PPP1CB: variants seen among roughly 807,000 people sequenced by gnomAD.
The protein encoded by PPP1CB is serine/threonine-protein phosphatase PP1-beta catalytic subunit.
In PPP1CB, 2 loss-of-function variants were observed where a neutral mutation model predicts 43.7. That is an observed-to-expected ratio of 0.05 (90% CI 0.02 to 0.14). PPP1CB has a LOEUF of 0.14. PPP1CB is among the 10% of genes least tolerant of loss of function. The pLI is 1.00. For synonymous variants in PPP1CB, 136 were observed against 135.6 expected (o/e 1.00, Z -0.02); for missense variants, 84 against 398.0 (o/e 0.21, Z 6.71).
At chr2:28,758,494 A>G (rs898485826) in intron 1 of PPP1CB, among the ~76,000 whole-genome samples, 4 of 152,206 alleles carry the variant, frequency 2.6e-5, no homozygotes, top group Non-Finnish European at 5.9e-5. Context: ...GGAGTCTTCT[A>G]GGATTTGTGA....
rs575742915 is a variant in PPP1CB, at chr2:28,795,688, T to G, written c.879+1691T>G. 6.8e-4 allele frequency among the ~76,000 whole-genome samples: 104 copies of G among 152,236 alleles called. 1 individual carries two copies. The highest frequency in any genetic ancestry group is 1.2e-3 in the Non-Finnish European group (82 of 68,046). Reference sequence around the variant, plus strand: ...GTTGAATTAAATGCCTTATAGAGTCTGGATATTAGACCTTTGTTGGATGCA... The same window carrying G: ...GTTGAATTAAATGCCTTATAGAGTCGGGATATTAGACCTTTGTTGGATGCA... On this transcript the variant is annotated intron_variant, in intron 7 of 7. Transcript: ENST00000395366.
Position 28,788,878 on chromosome 2 carries a change from G to T in PPP1CB, c.744+69G>T, listed in dbSNP as rs1352194347. ...TTTTTTGGGGGCAGACGGAGGGGCA[G>T]ACAGATTCTTGTTCTGTCACCCAGG... On this transcript the variant is annotated intron_variant, in intron 6 of 7. Coordinates refer to ENST00000395366, the MANE Select transcript of PPP1CB (RefSeq NM_002709.3). The T allele has an allele frequency of 7.8e-6, 11 of 1,417,676 alleles. No homozygotes were observed. In the East Asian group the frequency reaches 2.6e-4, roughly 34 times the overall value. The allele number at this position is 1,417,676 out of a possible 1,614,324, so 87.8% of individuals were successfully genotyped here. A position where few individuals can be genotyped will look rare whatever the true frequency, so the allele number is the denominator to read the frequency against.
chr2:28,751,988 C>T lies in PPP1CB; in HGVS notation c.-137C>T. ...GCGGGGAGGGGGTGGGGGGAGGGCC[C>T]GGGAAAAGGGGGAGTTGGAGCCGGG... On this transcript the variant is annotated 5_prime_UTR_variant, in exon 1 of 8. Coordinates refer to ENST00000395366, the MANE Select transcript of PPP1CB (RefSeq NM_002709.3). The T allele has an allele frequency of 5.1e-6, 4 of 785,310 alleles. No homozygotes were observed. The highest frequency in any genetic ancestry group is 4.2e-6 in the Non-Finnish European group (2 of 474,390). 48.6% of individuals were successfully genotyped at this position (785,310 alleles called of 1,614,324 possible).
At position 28,776,989 on chromosome 2, in the gene PPP1CB, A is replaced by G; in HGVS notation, c.184+7A>G. On this transcript the variant is annotated splice_region_variant and intron_variant, in intron 2 of 7. Coordinates refer to ENST00000395366, the MANE Select transcript of PPP1CB (RefSeq NM_002709.3). ...GCACCGCTGAAAATTTGTGGTATGT[A>G]AATGGGTAAAGTTGGAAACAACTCT... is the stretch of plus-strand genomic sequence containing the variant. 2 of 1,612,368 alleles carry G rather than the reference A, an allele frequency of 1.2e-6. No individual in the cohort carries two copies. The highest frequency in any genetic ancestry group is 1.7e-6 in the Non-Finnish European group (2 of 1,178,710).
rs1435113456 is a variant in PPP1CB, at chr2:28,801,937, A to T, written c.*2634A>T. On this transcript the variant is annotated 3_prime_UTR_variant, in exon 8 of 8. Transcript: ENST00000395366. ...GGGACAAATTTTAATAATCAGCAAG[A>T]CTGGTTTGTGCAAAGCGTTGAGTCA... The T allele has an allele frequency of 6.6e-6, 1 of 152,208 alleles. No individual in the cohort carries two copies. The highest frequency in any genetic ancestry group is 1.5e-5 in the Non-Finnish European group (1 of 68,034). 9.4% of individuals were successfully genotyped at this position (152,208 alleles called of 1,614,324 possible).
chr2:28,795,474 C>G (rs2148061583), intron 7 of PPP1CB, among the ~76,000 whole-genome samples: 1 of 152,284 alleles, frequency 6.6e-6, no homozygotes, highest in South Asian at 2.1e-4. Context: ...CACAACCTTG[C>G]TGACATCTAT....
At chr2:28,758,873 G>A (rs1666551689) in intron 1 of PPP1CB, among the ~76,000 whole-genome samples, 1 of 152,188 alleles carries the variant, frequency 6.6e-6, no homozygotes, top group Non-Finnish European at 1.5e-5. Flanking sequence ...GCTTTTTGAT[G>A]CATGCCCACC....
At position 28,802,528 on chromosome 2, in the gene PPP1CB, T is replaced by G. The variant is rs1300397329; in HGVS notation, c.*3225T>G. On this transcript the variant is annotated 3_prime_UTR_variant, in exon 8 of 8. Transcript: ENST00000395366. ...CCTCTTCCTAGTAGATCTCAATGTT[T>G]TATAATTCCTTAAAACAGCTGAAAA... The G allele has an allele frequency of 6.6e-6, 1 of 152,200 alleles. No homozygotes were observed. The highest frequency in any genetic ancestry group is 1.5e-5 in the Non-Finnish European group (1 of 68,034). The allele number at this position is 152,200 out of a possible 1,614,324, so 9.4% of individuals were successfully genotyped here.
In PPP1CB at chr2:28,799,453, T is replaced by A. The variant is rs1468032075; in HGVS notation, c.*150T>A. 3.5e-6 allele frequency: 2 copies of A among 578,024 alleles called. No individual in the cohort carries two copies. Among genetic ancestry groups the A allele is most frequent in the Non-Finnish European group, 6.0e-6 (2 of 330,876 alleles). The allele number at this position is 578,024 out of a possible 1,614,324, so 35.8% of individuals were successfully genotyped here. On this transcript the variant is annotated 3_prime_UTR_variant, in exon 8 of 8. Transcript: ENST00000395366. ...AGACGGGTAAAGGATCTTAAATTTT[T>A]TTCTAATAGAAAGATGTGCTACACT... is the stretch of plus-strand genomic sequence containing the variant.
intron 1 of PPP1CB, among the ~76,000 whole-genome samples, chr2:28,772,573 A>T (rs1317329037): frequency 6.6e-6 from 1 of 152,190 alleles, no homozygotes; most frequent in Non-Finnish European, 1.5e-5. Context: ...ATGCCCATGG[A>T]TATTCATAGC....
chr2:28,793,260 C>T (rs978843327), intron 6 of PPP1CB, among the ~76,000 whole-genome samples: 7 of 152,110 alleles, frequency 4.6e-5, no homozygotes, highest in African/African-American at 1.7e-4. Flanking sequence ...ATTTAAGGAG[C>T]ATGATCCATG....
chr2:28,759,829 G>C (rs1163521465), intron 1 of PPP1CB, among the ~76,000 whole-genome samples: 3 of 152,098 alleles, frequency 2.0e-5, no homozygotes, highest in Non-Finnish European at 4.4e-5. Flanking sequence ...GTGTTAGCCA[G>C]GATGGTATTG....
At chr2:28,794,127 C>G in intron 7 of PPP1CB, 130 bp downstream of exon 7, 1 of 687,860 alleles carries the variant, frequency 1.5e-6, no homozygotes, top group Non-Finnish European at 2.4e-6. Context: ...GATTACCACT[C>G]AAACTCATTA....
chr2:28,760,050 C>T (rs1484851795), intron 1 of PPP1CB, among the ~76,000 whole-genome samples: 1 of 152,138 alleles, frequency 6.6e-6, no homozygotes, highest in Non-Finnish European at 1.5e-5. Context: ...CCCTGAAGAC[C>T]TTCCAGTGAA....
chr2:28,756,854 A>G (rs1031047737), intron 1 of PPP1CB, among the ~76,000 whole-genome samples: 4 of 152,212 alleles, frequency 2.6e-5, no homozygotes, highest in African/African-American at 7.2e-5. Context: ...TAATGAAAGC[A>G]TATTAAAGCC....
At chr2:28,789,588 T>C (rs145583039) in intron 6 of PPP1CB, among the ~76,000 whole-genome samples, 6,399 of 145,058 alleles carry the variant, frequency 0.044, 193 homozygotes, top group Middle Eastern at 0.072. Context: ...GTAGATATGA[T>C]TTAGATTTTT....
chr2:28,758,306 G>A (rs1216662928), intron 1 of PPP1CB, among the ~76,000 whole-genome samples: 2 of 152,084 alleles, frequency 1.3e-5, no homozygotes, highest in South Asian at 4.1e-4. Flanking sequence ...TTTCTAACAG[G>A]TAAAGTAATA....
intron 6 of PPP1CB, among the ~76,000 whole-genome samples, chr2:28,791,338 G>GT (rs900536504): frequency 2.6e-5 from 4 of 151,192 alleles, no homozygotes; most frequent in African/African-American, 4.9e-5. Flanking sequence ...GTTGTTGTTT[G>GT]TTTTTTTTGT....
intron 3 of PPP1CB, among the ~76,000 whole-genome samples, chr2:28,779,584 A>G (rs1667109037): frequency 6.6e-6 from 1 of 152,170 alleles, no homozygotes; most frequent in African/African-American, 2.4e-5. Context: ...TATGTTTCCA[A>G]GTGTTATTAT....
Sources: gnomAD v4.1 joint callset for allele counts (sites outside exome capture counted in the v4.1 genomes callset) on GRCh38, gnomAD v4.1.1 for gene constraint, MANE v1.5 for transcripts, NCBI Gene and HGNC (gene_info 2026-07-23, HGNC 2026-07-21) for gene names.